The following PACSIN1 variants were observed in gnomAD, a reference collection of about 807,000 sequenced individuals.
The protein encoded by PACSIN1 is protein kinase C and casein kinase substrate in neurons protein 1.
In PACSIN1, 15 loss-of-function variants were observed where a neutral mutation model predicts 59.5. The ratio of observed to expected loss-of-function variants is 0.25; its 90% CI spans 0.17 to 0.39. PACSIN1 has a LOEUF of 0.39. Among genes scored for constraint, PACSIN1 ranks in the 10% least tolerant of loss-of-function variants. PACSIN1 has a pLI of 1.00. For missense variants in PACSIN1, 420 were observed against 580.2 expected (o/e 0.72, Z 2.84); for synonymous variants, 210 against 220.6 (o/e 0.95, Z 0.42).
In PACSIN1 at chr6:34,534,665, C is replaced by G. The variant is rs1347355091; in HGVS notation, c.*2135C>G. Reference sequence around the variant, plus strand: ...ACTCCAGCCTGTCCCTCTTAGCACTCTAGCTGCCCACTCCAGGGCAGGGAC... The same window carrying G: ...ACTCCAGCCTGTCCCTCTTAGCACTGTAGCTGCCCACTCCAGGGCAGGGAC... On this transcript the variant is annotated 3_prime_UTR_variant, in exon 10 of 10. Transcript: ENST00000244458. 1 of 152,796 alleles carries G rather than the reference C, an allele frequency of 6.5e-6. No individual in the cohort carries two copies. The highest frequency in any genetic ancestry group is 1.5e-5 in the Non-Finnish European group (1 of 68,144). 9.5% of individuals were successfully genotyped at this position (152,796 alleles called of 1,614,324 possible).
rs1767392778 is a variant in PACSIN1, at chr6:34,521,566, G to C, written c.-63-4677G>C. 6.6e-6 allele frequency among the ~76,000 whole-genome samples: 1 copy of C among 152,180 alleles called. No individual in the cohort carries two copies. Among genetic ancestry groups the C allele is most frequent in the South Asian group, 2.1e-4 (1 of 4,826 alleles). On this transcript the variant is annotated intron_variant, in intron 1 of 9. Coordinates refer to ENST00000244458, the MANE Select transcript of PACSIN1 (RefSeq NM_020804.5). This position sits in a 1 kb window ranked among gnomAD's most constrained non-coding sequence, Gnocchi z 4.3. ...CTTGGCCCACATCTCACTGGTAGTA[G>C]TTGGGTGAGCTGGCTCCAGAGCCCT...
chr6:34,529,402 G>A lies in PACSIN1; in HGVS notation c.462G>A (p.Glu154=), dbSNP rs200460057. The A allele has an allele frequency of 1.1e-5, 18 of 1,614,132 alleles. No homozygotes were observed. The South Asian group carries it at 1.6e-4, about 15-fold the overall frequency. ...KPWAKKMKEL[E]AAKKAYHLAC... Reference sequence around the variant, plus strand: ...CTATTCCCCCCTCCCCACAGCTGGAGGCAGCCAAGAAGGCCTACCATTTGG... The same window carrying A: ...CTATTCCCCCCTCCCCACAGCTGGAAGCAGCCAAGAAGGCCTACCATTTGG... The change falls in exon 5 of 10, where the codon GAG becomes GAA. Residue 154 remains glutamate, a synonymous_variant. Coordinates refer to ENST00000244458, the MANE Select transcript of PACSIN1 (RefSeq NM_020804.5). This position sits in a 1 kb window ranked among gnomAD's most constrained non-coding sequence, Gnocchi z 6.3.
chr6:34,509,768 T>C (rs1021943650), intron 1 of PACSIN1, among the ~76,000 whole-genome samples: 2 of 152,232 alleles, frequency 1.3e-5, no homozygotes, highest in Non-Finnish European at 2.9e-5. Flanking sequence ...AGTTTACAAG[T>C]ATTTCATCTC....
chr6:34,492,593 G>C (rs1766894603), intron 1 of PACSIN1, among the ~76,000 whole-genome samples: 1 of 152,150 alleles, frequency 6.6e-6, no homozygotes, highest in South Asian at 2.1e-4. Flanking sequence ...TGTTGGTCAG[G>C]CTGGTCTCGA....
intron 1 of PACSIN1, among the ~76,000 whole-genome samples, chr6:34,500,226 C>G (rs1767004168): frequency 6.6e-6 from 1 of 152,104 alleles, no homozygotes; most frequent in African/African-American, 2.4e-5. Flanking sequence ...TTATGATGGC[C>G]ATTATAAAAA....
chr6:34,492,491 C>T (rs1284624802), intron 1 of PACSIN1, among the ~76,000 whole-genome samples: 1 of 152,196 alleles, frequency 6.6e-6, no homozygotes, highest in African/African-American at 2.4e-5. Context: ...TCAAGCGATT[C>T]TCCTGCCTCA....
intron 1 of PACSIN1, among the ~76,000 whole-genome samples, chr6:34,475,687 G>C (rs866961655): frequency 2.3e-4 from 35 of 152,164 alleles, no homozygotes; most frequent in African/African-American, 7.2e-4. Flanking sequence ...GCTGTGAGCT[G>C]CTAGCAGCCA....
At chr6:34,526,061 G>T (rs1767476131) in intron 1 of PACSIN1, among the ~76,000 whole-genome samples, 182 bp from the exon 2 acceptor site, 1 of 152,060 alleles carries the variant, frequency 6.6e-6, no homozygotes, top group Non-Finnish European at 1.5e-5. Context: ...AGTTGGGCAT[G>T]AGGGTGCTAC....
intron 1 of PACSIN1, among the ~76,000 whole-genome samples, chr6:34,504,696 C>T (rs1170423596): frequency 6.6e-6 from 1 of 152,148 alleles, no homozygotes; most frequent in Non-Finnish European, 1.5e-5. Flanking sequence ...TTTTTCTTTC[C>T]TCCTCCCCAG....
Position 34,531,498 on chromosome 6 carries a change from C to A in PACSIN1, c.1038-102C>A. 8.1e-7 allele frequency: 1 copy of A among 1,232,498 alleles called. No homozygotes were observed. The highest frequency in any genetic ancestry group is 1.2e-6 in the Non-Finnish European group (1 of 860,234). 76.3% of individuals were successfully genotyped at this position (1,232,498 alleles called of 1,614,324 possible). ...CTATGTGGCCAATCCTTGCTCTAGC[C>A]TTGGTAGAATTCGGGATCAGGGCTC... is the stretch of plus-strand genomic sequence containing the variant. On this transcript the variant is annotated intron_variant, in intron 8 of 9. Transcript: ENST00000244458. The surrounding 1 kb of genome is among the most constrained non-coding windows in gnomAD (Gnocchi z 4.4).
At chr6:34,468,482 C>T (rs141934751) in intron 1 of PACSIN1, among the ~76,000 whole-genome samples, 1 of 152,338 alleles carries the variant, frequency 6.6e-6, no homozygotes, top group Non-Finnish European at 1.5e-5. Context: ...ATGCAGTCTC[C>T]CTAACGTGGC....
At chr6:34,473,169 G>T (rs370238569) in intron 1 of PACSIN1, among the ~76,000 whole-genome samples, 1 of 144,664 alleles carries the variant, frequency 6.9e-6, no homozygotes, top group Non-Finnish European at 1.5e-5. Flanking sequence ...AAGGAGGGTT[G>T]TCTTCTGCAG....
intron 1 of PACSIN1, among the ~76,000 whole-genome samples, chr6:34,468,893 T>TA (rs530360729): frequency 0.17 from 3,134 of 18,670 alleles, 93 homozygotes; most frequent in African/African-American, 0.33. Flanking sequence ...CTCTGGCTTG[T>TA]GGAGTGAGTG....
chr6:34,490,137 G>A (rs1180944781), intron 1 of PACSIN1, among the ~76,000 whole-genome samples: 1 of 151,188 alleles, frequency 6.6e-6, no homozygotes, highest in African/African-American at 2.4e-5. Flanking sequence ...TGGCAGCCTC[G>A]ACCTCTGGGT....
rs1178153673 is a variant in PACSIN1, at chr6:34,533,883, A to T, written c.*1353A>T. The T allele has an allele frequency of 6.6e-6, 1 of 152,278 alleles. No individual in the cohort carries two copies. Among genetic ancestry groups the T allele is most frequent in the Non-Finnish European group, 1.5e-5 (1 of 68,100 alleles). The allele number at this position is 152,278 out of a possible 1,614,324, so 9.4% of individuals were successfully genotyped here. ...TGGTTGGTGAAAGCAGTGGTGCCGGAGTGCTAGGTACCGCACGAGAGGGTG... is the reference window on the plus strand; with the variant it reads ...TGGTTGGTGAAAGCAGTGGTGCCGGTGTGCTAGGTACCGCACGAGAGGGTG... On this transcript the variant is annotated 3_prime_UTR_variant, in exon 10 of 10. Transcript: ENST00000244458.
At chr6:34,473,548 G>A (rs904791897) in intron 1 of PACSIN1, among the ~76,000 whole-genome samples, 3 of 152,104 alleles carry the variant, frequency 2.0e-5, no homozygotes, top group Non-Finnish European at 2.9e-5. Context: ...GGGTTCCCGG[G>A]GTCTAGCCTT....
chr6:34,503,411 G>A (rs1561963160), intron 1 of PACSIN1, among the ~76,000 whole-genome samples: 2 of 152,222 alleles, frequency 1.3e-5, no homozygotes, highest in Admixed American at 1.3e-4. Flanking sequence ...GCAATGGGGA[G>A]GAAAGTGCTT....
chr6:34,518,179 G>C lies in PACSIN1; in HGVS notation c.-63-8064G>C, dbSNP rs746321030. Reference sequence around the variant, plus strand: ...GCAAGCTGCATGCATCCCACCCCAAGCCACTGAAGCGGGAGGGCCACGGCC... The same window carrying C: ...GCAAGCTGCATGCATCCCACCCCAACCCACTGAAGCGGGAGGGCCACGGCC... On this transcript the variant is annotated intron_variant, in intron 1 of 9. Coordinates refer to ENST00000244458, the MANE Select transcript of PACSIN1 (RefSeq NM_020804.5). The surrounding 1 kb of genome is among the most constrained non-coding windows in gnomAD (Gnocchi z 4.4). Among the ~76,000 whole-genome samples the C allele has an allele frequency of 1.2e-4, 18 of 152,238 alleles. No individual in the cohort carries two copies. Among genetic ancestry groups the C allele is most frequent in the Non-Finnish European group, 2.2e-4 (15 of 68,040 alleles).
intron 1 of PACSIN1, among the ~76,000 whole-genome samples, chr6:34,501,384 C>T (rs563945432): frequency 1.3e-5 from 2 of 151,894 alleles, no homozygotes; most frequent in Non-Finnish European, 2.9e-5. Flanking sequence ...TCTGGTCCAA[C>T]CCCCTCAGTT....
Sources: allele counts gnomAD v4.1 joint callset (sites outside exome capture counted in the v4.1 genomes callset), GRCh38; gene constraint gnomAD v4.1.1; non-coding constraint Gnocchi (gnomAD v3.1); transcripts MANE v1.5; gene names NCBI Gene and HGNC (gene_info 2026-07-23, HGNC 2026-07-21).